CENPI: variants seen among roughly 807,000 people sequenced by gnomAD.
CENPI encodes the protein FSH primary response 1.
CENPI carries 4 observed loss-of-function variants against 60.4 expected under a neutral mutation model. The ratio of observed to expected loss-of-function variants is 0.07; its 90% CI spans 0.03 to 0.15. The LOEUF (loss-of-function observed/expected upper bound fraction) is 0.15, where lower values mean the gene tolerates loss of function less well. Ranked by LOEUF, CENPI falls within the 10% of genes least tolerant of loss-of-function variation. The pLI is 1.00. For synonymous variants in CENPI, 157 were observed against 189.4 expected (o/e 0.83, Z 1.40); for missense variants, 444 against 534.5 (o/e 0.83, Z 1.67).
At chrX:101,117,540 G>A (rs2089636358) in intron 6 of CENPI, among the ~76,000 whole-genome samples, 1 of 111,982 alleles carries the variant, frequency 8.9e-6, no homozygotes, top group African/African-American at 3.2e-5. Context: ...CAAATTCTTG[G>A]GAAAGGTTTT....
At chrX:101,101,581 T>G (rs1232377642) in intron 3 of CENPI, among the ~76,000 whole-genome samples, 1 of 107,903 alleles carries the variant, frequency 9.3e-6, no homozygotes, top group Non-Finnish European at 1.9e-5. Flanking sequence ...CTGAGAATCT[T>G]TAACAAACAA....
intron 6 of CENPI, among the ~76,000 whole-genome samples, chrX:101,117,281 A>G (rs2089633428): frequency 9.0e-6 from 1 of 111,508 alleles, no homozygotes; most frequent in Non-Finnish European, 1.9e-5. Flanking sequence ...GCTCATCGCA[A>G]CCTCTGCCTC....
intron 8 of CENPI, among the ~76,000 whole-genome samples, chrX:101,125,250 A>T (rs1269306664): frequency 9.0e-6 from 1 of 111,143 alleles, no homozygotes; most frequent in Admixed American, 9.6e-5. Flanking sequence ...TTGATACCTT[A>T]GATTTCATTT....
chrX:101,102,496 TACAC>T (rs35162075), intron 4 of CENPI, 85 bp downstream of exon 4: 63 of 251,621 alleles, frequency 2.5e-4, no homozygotes, highest in African/African-American at 2.4e-4. Context: ...TATATATATA[TACAC>T]ACACACACAC....
At chrX:101,113,289 A>T (rs1326558762) in intron 6 of CENPI, among the ~76,000 whole-genome samples, 2 of 26,856 alleles carry the variant, frequency 7.4e-5, no homozygotes, top group Admixed American at 3.4e-4. Flanking sequence ...CTTTACACAC[A>T]CACACACACA....
At chrX:101,151,092 C>G (rs1281717653) in intron 20 of CENPI, among the ~76,000 whole-genome samples, 1 of 111,542 alleles carries the variant, frequency 9.0e-6, no homozygotes, top group African/African-American at 3.3e-5. Flanking sequence ...TCACTGGTAC[C>G]CAGTGGTGTT....
chrX:101,170,670 C>G (rs1361741881), downstream of CENPI, among the ~76,000 whole-genome samples: 16 of 111,470 alleles, frequency 1.4e-4, no homozygotes, highest in Non-Finnish European at 2.6e-4. Flanking sequence ...GGTCTTGTTC[C>G]GTTGCCCAGG....
intron 21 of CENPI, 93 bp downstream of exon 21, chrX:101,161,662 C>T: frequency 1.3e-6 from 1 of 771,403 alleles, no homozygotes; most frequent in South Asian, 2.6e-5. Context: ...AAACCTTAAG[C>T]CTGCTGCCTC....
At chrX:101,135,874 C>T (rs1367541226) in intron 15 of CENPI, among the ~76,000 whole-genome samples, 3 of 111,475 alleles carry the variant, frequency 2.7e-5, no homozygotes, top group South Asian at 3.8e-4. Flanking sequence ...GCGCCCACCA[C>T]CACACTCGGC....
intron 20 of CENPI, among the ~76,000 whole-genome samples, chrX:101,155,401 G>A (rs1471118757): frequency 9.0e-6 from 1 of 111,283 alleles, no homozygotes; most frequent in African/African-American, 3.3e-5. Flanking sequence ...TGTTGGCCAG[G>A]CTGGTCTCAA....
intron 15 of CENPI, among the ~76,000 whole-genome samples, chrX:101,135,031 A>C (rs1463183317): frequency 9.0e-6 from 1 of 111,580 alleles, no homozygotes; most frequent in African/African-American, 3.3e-5. Context: ...AAAAATTTAC[A>C]AAATTTAAAA....
intron 6 of CENPI, among the ~76,000 whole-genome samples, chrX:101,112,563 AG>A (rs1362911102): frequency 2.7e-5 from 3 of 112,430 alleles, no homozygotes; most frequent in Non-Finnish European, 3.7e-5. Context: ...TTTTCTGAAA[AG>A]GCTTTTAAAA....
intron 11 of CENPI, among the ~76,000 whole-genome samples, 185 bp from the exon 12 acceptor site, chrX:101,128,531 T>C (rs1442287431): frequency 9.0e-6 from 1 of 111,715 alleles, no homozygotes; most frequent in Non-Finnish European, 1.9e-5. Context: ...TTTAAAAATA[T>C]ATTGCTCAGT....
At chrX:101,104,206 T>A (rs1026488605) in intron 4 of CENPI, among the ~76,000 whole-genome samples, 3 of 112,349 alleles carry the variant, frequency 2.7e-5, no homozygotes, top group African/African-American at 9.7e-5. Flanking sequence ...ACTTCTGACC[T>A]CAGGTGATCC....
At chrX:101,178,209 C>T in the CENPI span, among the ~76,000 whole-genome samples, 1 of 110,275 alleles carries the variant, frequency 9.1e-6, no homozygotes, top group South Asian at 3.9e-4. Context: ...GCTTCGCATC[C>T]CTCTCCTTCC....
intron 21 of CENPI, 40 bp downstream of exon 21, chrX:101,161,609 C>T (rs1020311188): frequency 9.1e-6 from 10 of 1,098,566 alleles, no homozygotes; most frequent in African/African-American, 1.8e-5. Flanking sequence ...GGATTTCATA[C>T]AGCTTAATTT....
intron 6 of CENPI, among the ~76,000 whole-genome samples, chrX:101,113,236 CTGT>C (rs1053544240): frequency 1.9e-5 from 2 of 106,246 alleles, no homozygotes; most frequent in East Asian, 3.0e-4. Flanking sequence ...GGCTTATATG[CTGT>C]TGTTGTCTGG....
At chrX:101,167,371 A>AT (rs1157659995), downstream of CENPI, among the ~76,000 whole-genome samples, 89 of 111,849 alleles carry the variant, frequency 8.0e-4, no homozygotes, top group African/African-American at 2.7e-3. Flanking sequence ...AACAAGACTG[A>AT]TTTTTTTGCG....
chrX:101,143,756 T>C (rs2089937121), intron 16 of CENPI, among the ~76,000 whole-genome samples: 1 of 112,050 alleles, frequency 8.9e-6, no homozygotes, highest in Non-Finnish European at 1.9e-5. Context: ...CTTAAACTCT[T>C]GACCTCAGGT....
Sources: allele counts gnomAD v4.1 joint callset (sites outside exome capture counted in the v4.1 genomes callset), GRCh38; gene constraint gnomAD v4.1.1; transcripts MANE v1.5; gene names NCBI Gene and HGNC (gene_info 2026-07-23, HGNC 2026-07-21).